Variants in TMEM165 observed in about 807,000 individuals in gnomAD.
TMEM165 encodes the protein transmembrane protein 165, also known as putative divalent cation/proton antiporter TMEM165.
Under a neutral mutation model 30.0 loss-of-function variants are expected in TMEM165, and 19 were observed. The observed-to-expected ratio is 0.63, with a 90% CI of 0.44 to 0.93. The LOEUF (loss-of-function observed/expected upper bound fraction) is 0.93. TMEM165 is among the 40% of genes least tolerant of loss of function. The pLI, the probability that TMEM165 is intolerant of heterozygous loss-of-function variation, is 0.00. For missense variants in TMEM165, 340 were observed against 417.0 expected (o/e 0.82, Z 1.61); for synonymous variants, 168 against 162.9 (o/e 1.03, Z -0.24).
chr4:55,408,519 TAGAA>T (rs945339417), intron 1 of TMEM165, among the ~76,000 whole-genome samples: 1 of 152,170 alleles, frequency 6.6e-6, no homozygotes, highest in Non-Finnish European at 1.5e-5. Flanking sequence ...TAAAAAAACA[TAGAA>T]AAGGTAAAGT....
At chr4:55,396,565 TG>T (rs1720738782) in intron 1 of TMEM165, among the ~76,000 whole-genome samples, 169 bp downstream of exon 1, 1 of 152,184 alleles carries the variant, frequency 6.6e-6, no homozygotes, top group Non-Finnish European at 1.5e-5. Context: ...CGGTGAGGCC[TG>T]GTCTTGCCCG....
chr4:55,439,612 A>G (rs1723181914), intron 3 of TMEM165, among the ~76,000 whole-genome samples: 1 of 152,216 alleles, frequency 6.6e-6, no homozygotes, highest in African/African-American at 2.4e-5. Flanking sequence ...GAAGTAACCC[A>G]AGACTCCATT....
At chr4:55,396,575 C>G (rs944994458) in intron 1 of TMEM165, among the ~76,000 whole-genome samples, 179 bp downstream of exon 1, 1 of 152,142 alleles carries the variant, frequency 6.6e-6, no homozygotes, top group African/African-American at 2.4e-5. Context: ...TGGTCTTGCC[C>G]GCTCCTTTAG....
rs774836008 is a variant in TMEM165, at chr4:55,396,205, C to T, written c.16C>T (p.Pro6Ser). MAAAA[P>S]GNGRASAPRL... ...GGCAGGCGGGATGGCGGCCGCGGCT[C>T]CAGGGAACGGCCGCGCATCGGCGCC... The change falls in exon 1 of 6, where the codon CCA becomes TCA. Residue 6 changes from proline (P) to serine (S), a missense_variant. Physicochemically the swap from Pro to Ser is moderately conservative, Grantham distance 74 (BLOSUM62 -1). This residue lies in a region of TMEM165 where 120 missense variants were observed against 109.4 expected (regional missense o/e 1.10). Transcript: ENST00000381334. 6.9e-7 allele frequency: 1 copy of T among 1,439,732 alleles called. No homozygotes were observed. The highest frequency in any genetic ancestry group is 1.4e-5 in the South Asian group (1 of 69,986). 89.2% of individuals were successfully genotyped at this position (1,439,732 alleles called of 1,614,324 possible). A position where few individuals can be genotyped will look rare whatever the true frequency, so the allele number is the denominator to read the frequency against.
chr4:55,418,977 A>G (rs1200452750), intron 4 of TMEM165, among the ~76,000 whole-genome samples: 1 of 151,872 alleles, frequency 6.6e-6, no homozygotes, highest in East Asian at 1.9e-4. Context: ...CCGGGGAGGC[A>G]GAGGTTGCAG....
At chr4:55,405,115 A>G (rs1224427617) in intron 1 of TMEM165, among the ~76,000 whole-genome samples, 1 of 151,852 alleles carries the variant, frequency 6.6e-6, no homozygotes, top group African/African-American at 2.4e-5. Flanking sequence ...TTTGAACTTT[A>G]TCTCTTTGCC....
At chr4:55,437,262 C>A (rs1286366732) in intron 3 of TMEM165, among the ~76,000 whole-genome samples, 1 of 152,022 alleles carries the variant, frequency 6.6e-6, no homozygotes, top group Non-Finnish European at 1.5e-5. Context: ...ATATAGAGTA[C>A]AATAATCACA....
chr4:55,427,637 A>T (rs1212331924), downstream of TMEM165, among the ~76,000 whole-genome samples: 1 of 152,100 alleles, frequency 6.6e-6, no homozygotes, highest in Non-Finnish European at 1.5e-5. Flanking sequence ...GAGCCACCGC[A>T]CCCAACCGTT....
At chr4:55,448,594 ACGCG>A (rs1553891178) in intron 3 of TMEM165, among the ~76,000 whole-genome samples, 9 of 81,342 alleles carry the variant, frequency 1.1e-4, no homozygotes, top group African/African-American at 3.6e-4. Context: ...GCGCGCGCGC[ACGCG>A]CGCGTGTGTG....
rs762661059 is a variant in TMEM165, at chr4:55,450,145, C to G, written c.409-2094C>G. 3.1e-5 allele frequency: 50 copies of G among 1,613,866 alleles called. No homozygotes were observed. The highest frequency in any genetic ancestry group is 4.0e-5 in the Non-Finnish European group (47 of 1,179,980). On this transcript the variant is annotated intron_variant, in intron 3 of 3. Coordinates refer to the TMEM165 transcript ENST00000608091. ...GATTTTCTTGAACTCCGAGAAGAGGCAGAAGGGGTTGGGCTGTGATCAAAC... is the reference window on the plus strand; with the variant it reads ...GATTTTCTTGAACTCCGAGAAGAGGGAGAAGGGGTTGGGCTGTGATCAAAC...
chr4:55,435,465 G>T, intron 3 of TMEM165: 1 of 1,614,014 alleles, frequency 6.2e-7, no homozygotes, highest in Non-Finnish European at 8.5e-7. Flanking sequence ...GTCCTGTGCC[G>T]GCTGAGTTGC....
intron 1 of TMEM165, chr4:55,403,331 C>T: frequency 2.4e-6 from 3 of 1,273,714 alleles, no homozygotes; most frequent in South Asian, 2.6e-5. Flanking sequence ...ATGGAGATTC[C>T]GATGCAGGTA....
Position 55,396,158 on chromosome 4 carries a change from GGCGCCCGTGC to G in TMEM165, c.-28_-19del, listed in dbSNP as rs1212524574. 3.0e-6 allele frequency: 4 copies of G among 1,336,372 alleles called. No individual in the cohort carries two copies. Among genetic ancestry groups the G allele is most frequent in the Non-Finnish European group, 3.8e-6 (4 of 1,056,388 alleles). The allele number at this position is 1,336,372 out of a possible 1,614,324, so 82.8% of individuals were successfully genotyped here. On this transcript the variant is annotated 5_prime_UTR_variant, in exon 1 of 6. Transcript: ENST00000381334. ...TCCCGTCGCCGGCACTTCCTCTTGC[GGCGCCCGTGC>G]GCGGCCGGCCCGGCAGGCGGGATGG...
At chr4:55,417,664 G>A in intron 3 of TMEM165, 139 bp from the exon 4 acceptor site, 1 of 676,282 alleles carries the variant, frequency 1.5e-6, no homozygotes, top group Non-Finnish European at 2.5e-6. Flanking sequence ...GGTTCAGAGG[G>A]GAGGTTTGGG....
rs56157186 is a variant in TMEM165 at position 55,445,582 on chromosome 4, C to CTTTTTTTT, written c.409-6638_409-6631dup. Among the ~76,000 whole-genome samples the CTTTTTTTT allele has an allele frequency of 3.4e-4, 23 of 68,592 alleles. 5 individuals are homozygous for CTTTTTTTT. Among genetic ancestry groups the CTTTTTTTT allele is most frequent in the East Asian group, 9.9e-4 (2 of 2,022 alleles). 45.0% of individuals were successfully genotyped at this position (68,592 alleles called of 152,430 possible). A position where few individuals can be genotyped will look rare whatever the true frequency, so the allele number is the denominator to read the frequency against. On this transcript the variant is annotated intron_variant, in intron 3 of 3. Coordinates refer to the TMEM165 transcript ENST00000608091. ...TCTCTGCATCTGCTATTTCTATATT[C>CTTTTTTTT]TTTTTTTTTTTTTTTTTTTTTTTTT...
At chr4:55,410,125 T>G (rs190003773) in intron 1 of TMEM165, among the ~76,000 whole-genome samples, 100 of 152,312 alleles carry the variant, frequency 6.6e-4, no homozygotes, top group Non-Finnish European at 1.1e-3. Flanking sequence ...TTCTTATTTC[T>G]TGTAACTTCT....
In TMEM165 at chr4:55,417,847, G is replaced by T. The variant is rs568195639; in HGVS notation, c.654G>T (p.Thr218=). The T allele has an allele frequency of 3.1e-6, 5 of 1,613,080 alleles. No individual in the cohort carries two copies. The South Asian group carries it at 4.4e-5, about 14-fold the overall frequency. ...KLLNGPGDVE[T]GTSITVPQKK... is the part of the protein sequence containing the mutation. The stretch of plus-strand genomic sequence containing the variant: ...TAAATGGACCGGGAGATGTTGAAAC[G>T]GGTACAAGCATAACAGTACCTCAGA... The change falls in exon 4 of 6, where the codon ACG becomes ACT. Residue 218 remains threonine, a synonymous_variant. Coordinates refer to ENST00000381334, the MANE Select transcript of TMEM165 (RefSeq NM_018475.5).
At chr4:55,438,581 G>C (rs749388765) in intron 3 of TMEM165, 2 of 1,611,672 alleles carry the variant, frequency 1.2e-6, no homozygotes, top group Admixed American at 1.7e-5. Context: ...CAAAGTACAA[G>C]GTATACATCA....
At chr4:55,409,706 A>G (rs1721407572) in intron 1 of TMEM165, among the ~76,000 whole-genome samples, 1 of 152,150 alleles carries the variant, frequency 6.6e-6, no homozygotes, top group Non-Finnish European at 1.5e-5. Flanking sequence ...CCTGGTTGAG[A>G]ACCGCTTGTC....
Sources: gnomAD v4.1 joint callset for allele counts (sites outside exome capture counted in the v4.1 genomes callset) on GRCh38, gnomAD v4.1.1 for gene constraint, gnomAD v4.1.1 regional missense constraint, MANE v1.5 for transcripts, NCBI Gene and HGNC (gene_info 2026-07-23, HGNC 2026-07-21) for gene names.